Variants in STYXL2 observed in about 807,000 individuals in gnomAD.
STYXL2 encodes the protein serine/threonine/tyrosine interacting like 2.
A neutral mutation model predicts 52.4 loss-of-function variants in STYXL2; 44 were observed. That is an observed-to-expected ratio of 0.84 (90% confidence interval 0.66 to 1.08). The LOEUF is 1.08. STYXL2 is among the 50% of genes least tolerant of loss of function. STYXL2 has a pLI of 0.00. For synonymous variants in STYXL2, 604 were observed against 586.9 expected, an observed-to-expected ratio of 1.03 and a Z score of -0.42; for missense variants, 1,604 against 1,471.7, an observed-to-expected ratio of 1.09 and a Z score of -1.47.
intron 2 of STYXL2, among the ~76,000 whole-genome samples, chr1:167,096,375 C>T (rs763299045): frequency 2.0e-5 from 3 of 152,126 alleles, no homozygotes; most frequent in Non-Finnish European, 2.9e-5. Context: ...GAGGTCGCTT[C>T]GTGTGTGGTT....
chr1:167,095,581 T>A (rs559678688), intron 2 of STYXL2, among the ~76,000 whole-genome samples: 2 of 152,158 alleles, frequency 1.3e-5, no homozygotes, highest in Non-Finnish European at 2.9e-5. Flanking sequence ...TGTTATCATG[T>A]AGAATGAAAA....
chr1:167,113,964 A>G (rs965567027), intron 3 of STYXL2, among the ~76,000 whole-genome samples, 160 bp downstream of exon 3: 1 of 152,110 alleles, frequency 6.6e-6, no homozygotes, highest in African/African-American at 2.4e-5. Flanking sequence ...TACCTCCTCA[A>G]CTTTGATAGG....
At chr1:167,120,848 AT>A (rs1667838924) in intron 5 of STYXL2, among the ~76,000 whole-genome samples, 2 of 7,268 alleles carry the variant, frequency 2.8e-4, no homozygotes, top group Non-Finnish European at 4.9e-4. Flanking sequence ...ATATATATAT[AT>A]ATATATATAT....
intron 5 of STYXL2, 85 bp from the exon 6 acceptor site, chr1:167,125,701 AG>A: frequency 6.8e-7 from 1 of 1,477,224 alleles, no homozygotes; most frequent in Non-Finnish European, 8.9e-7. Context: ...ATATTAAAAC[AG>A]CACTTACCAA....
At chr1:167,104,504 G>A (rs1233212402) in intron 2 of STYXL2, among the ~76,000 whole-genome samples, 1 of 152,120 alleles carries the variant, frequency 6.6e-6, no homozygotes, top group African/African-American at 2.4e-5. Flanking sequence ...TGTGGTAGGA[G>A]ACAGGGGCAT....
chr1:167,106,293 G>A (rs982143512), intron 2 of STYXL2, among the ~76,000 whole-genome samples: 1 of 152,156 alleles, frequency 6.6e-6, no homozygotes, highest in Non-Finnish European at 1.5e-5. Context: ...AGGTAAGGGC[G>A]CCTCCTGTGT....
In STYXL2 at chr1:167,119,335, G is replaced by A; in HGVS notation, c.524G>A (p.Gly175Asp). ...GCGCATGGCACCGGCGTTTACACTGGCCCCGAATTCTACACTGGCCTGGAG... is the reference window on the plus strand; with the variant it reads ...GCGCATGGCACCGGCGTTTACACTGACCCCGAATTCTACACTGGCCTGGAG... Reference protein sequence around the residue: ...NAAHGTGVYTGPEFYTGLEIQ... With the variant: ...NAAHGTGVYTDPEFYTGLEIQ... Residue 175 changes from glycine to aspartate, a missense_variant, in exon 5 of 6, where the codon GGC becomes GAC. Coordinates refer to ENST00000361200, the MANE Select transcript of STYXL2 (RefSeq NM_001080426.3). 6.2e-7 allele frequency: 1 copy of A among 1,611,654 alleles called. No homozygotes were observed.
chr1:167,125,089 G>A (rs1040434675), intron 5 of STYXL2, among the ~76,000 whole-genome samples: 9 of 152,094 alleles, frequency 5.9e-5, no homozygotes, highest in Admixed American at 2.0e-4. Context: ...TATATATTTC[G>A]GGAAGAATAT....
At position 167,127,787 on chromosome 1, in the gene STYXL2, G is replaced by T. The variant is rs1331613197; in HGVS notation, c.2656G>T (p.Asp886Tyr). The T allele has an allele frequency of 6.2e-7, 1 of 1,613,792 alleles. No individual in the cohort carries two copies. The highest frequency in any genetic ancestry group is 1.7e-5 in the Admixed American group (1 of 59,986). Residue 886 changes from aspartate to tyrosine, a missense_variant, in exon 6 of 6, where the codon GAT (aspartate) becomes TAT (tyrosine). Physicochemically the swap from Asp to Tyr is radical, Grantham distance 160. Coordinates refer to ENST00000361200, the MANE Select transcript of STYXL2 (RefSeq NM_001080426.3). ...EDEDDGVGDG[D>Y]EDTDSAIGSF... ...TGAGGATGATGGTGTGGGTGATGGG[G>T]ATGAGGACACTGACAGTGCCATAGG...
chr1:167,128,892 T>C lies in STYXL2; in HGVS notation c.*284T>C, dbSNP rs72691538. On this transcript the variant is annotated 3_prime_UTR_variant, in exon 6 of 6. Transcript: ENST00000361200. ...GCTTTGGTGTTTCACTTAATGTATT[T>C]GGCAGTGTTCATCACAGGCTAGAGA... is the stretch of plus-strand genomic sequence containing the variant. The C allele has an allele frequency of 0.31, 125,592 of 401,436 alleles. 22,547 individuals carry two copies. Among genetic ancestry groups the C allele is most frequent in the East Asian group, 0.77 (14,800 of 19,154 alleles). The allele number at this position is 401,436 out of a possible 1,614,324, so 24.9% of individuals were successfully genotyped here. A position where few individuals can be genotyped will look rare whatever the true frequency, so the allele number is the denominator to read the frequency against.
rs1229810647 is a variant in STYXL2 at position 167,120,875 on chromosome 1, T to G, written c.655+1409T>G. ...ATATATATATATATATATATATATA[T>G]ATATATATATACAGAGAGAGAGAGA... On this transcript the variant is annotated intron_variant, in intron 5 of 5. Transcript: ENST00000361200. Among the ~76,000 whole-genome samples the G allele has an allele frequency of 1.8e-3, 161 of 88,740 alleles. 12 individuals are homozygous for G. The highest frequency in any genetic ancestry group is 6.5e-3 in the Middle Eastern group (1 of 154). 58.2% of individuals were successfully genotyped at this position (88,740 alleles called of 152,430 possible).
intron 2 of STYXL2, among the ~76,000 whole-genome samples, chr1:167,107,874 T>G (rs1198783981): frequency 6.6e-6 from 1 of 152,144 alleles, no homozygotes; most frequent in Admixed American, 6.5e-5. Flanking sequence ...CAAGGAAGAC[T>G]TCCCTAAAGA....
In STYXL2 at chr1:167,128,775, G is replaced by T; in HGVS notation, c.*167G>T. On this transcript the variant is annotated 3_prime_UTR_variant, in exon 6 of 6. Coordinates refer to ENST00000361200, the MANE Select transcript of STYXL2 (RefSeq NM_001080426.3). ...ATAAGGGCAGCAGAGGTGGAGTAGG[G>T]AGGAGGCAAGGAGGGGGAGAACCAT... is the stretch of plus-strand genomic sequence containing the variant. The T allele has an allele frequency of 8.7e-7, 1 of 1,151,416 alleles. No individual in the cohort carries two copies. The highest frequency in any genetic ancestry group is 1.7e-5 in the South Asian group (1 of 58,882). 71.3% of individuals were successfully genotyped at this position (1,151,416 alleles called of 1,614,324 possible).
intron 3 of STYXL2, 132 bp from the exon 4 acceptor site, chr1:167,117,196 G>A: frequency 7.6e-6 from 6 of 785,978 alleles, no homozygotes; most frequent in Non-Finnish European, 1.0e-5. Flanking sequence ...GTCCTTCCTG[G>A]GAGATCCTGC....
At chr1:167,098,301 G>T (rs985131416) in intron 2 of STYXL2, among the ~76,000 whole-genome samples, 4 of 152,000 alleles carry the variant, frequency 2.6e-5, no homozygotes, top group South Asian at 4.2e-4. Flanking sequence ...GAGCCACCAC[G>T]CCCGGCCCAA....
At chr1:167,101,949 A>G (rs1008638790) in intron 2 of STYXL2, among the ~76,000 whole-genome samples, 7 of 152,258 alleles carry the variant, frequency 4.6e-5, no homozygotes, top group Admixed American at 1.3e-4. Flanking sequence ...ATTTACACAT[A>G]GGAATACTAT....
At chr1:167,120,886 A>C (rs966792570) in intron 5 of STYXL2, among the ~76,000 whole-genome samples, 1 of 109,568 alleles carries the variant, frequency 9.1e-6, no homozygotes, top group Non-Finnish European at 2.1e-5. Context: ...ATATATATAT[A>C]CAGAGAGAGA....
rs370642919 is a variant in STYXL2 at position 167,105,200 on chromosome 1, CA to C, written c.111-8509del. On this transcript the variant is annotated intron_variant, in intron 2 of 5. Coordinates refer to ENST00000361200, the MANE Select transcript of STYXL2 (RefSeq NM_001080426.3). Reference sequence around the variant, plus strand: ...CTGTTTCCTTTTTTCCTTTCTGTCCCAGATGCTGAACACAACCCACTGAATT... The same window carrying C: ...CTGTTTCCTTTTTTCCTTTCTGTCCCGATGCTGAACACAACCCACTGAATT... Among the ~76,000 whole-genome samples the C allele has an allele frequency of 1.3e-4, 19 of 151,500 alleles. No individual in the cohort carries two copies. The East Asian group carries it at 3.7e-3, about 29-fold the overall frequency.
At chr1:167,095,058 G>C in intron 2 of STYXL2, 99 bp downstream of exon 2, 1 of 802,134 alleles carries the variant, frequency 1.2e-6, no homozygotes, top group Non-Finnish European at 2.0e-6. Flanking sequence ...CATCACCTCG[G>C]TTCACTCATT....
Sources: gnomAD v4.1 joint callset for allele counts (sites outside exome capture counted in the v4.1 genomes callset) on GRCh38, gnomAD v4.1.1 for gene constraint, MANE v1.5 for transcripts, NCBI Gene and HGNC (gene_info 2026-07-23, HGNC 2026-07-21) for gene names.